SEC62: variants seen among roughly 807,000 people sequenced by gnomAD.
SEC62 encodes translocation protein SEC62.
Under a neutral mutation model 47.5 loss-of-function variants are expected in SEC62, and 10 were observed. That is an observed-to-expected ratio of 0.21 (90% CI 0.13 to 0.36). The LOEUF is 0.36. SEC62 is among the 10% of genes least tolerant of loss of function. The pLI is 1.00. For synonymous variants in SEC62, 136 were observed against 150.5 expected (o/e 0.90, Z 0.71); for missense variants, 327 against 464.1 (o/e 0.70, Z 2.71).
intron 1 of SEC62, among the ~76,000 whole-genome samples, chr3:169,971,189 A>G (rs947212203): frequency 1.3e-5 from 2 of 151,728 alleles, no homozygotes; most frequent in Non-Finnish European, 2.9e-5. Flanking sequence ...TCTGGCCACA[A>G]CCTCCCAACT....
Position 169,993,025 on chromosome 3 carries a change from G to A in SEC62, c.1162G>A (p.Asp388Asn), listed in dbSNP as rs1715283900. The A allele has an allele frequency of 1.4e-5, 23 of 1,609,260 alleles. No individual in the cohort carries two copies. The East Asian group carries it at 5.1e-4, about 36-fold the overall frequency. ...DCEEDEEEEN[D>N]GETPKSSHEK... ...TGAAGAGGATGAGGAAGAGGAAAAT[G>A]ATGGAGAAACACCTAAATCTTCACA... is the stretch of plus-strand genomic sequence containing the variant. The change falls in exon 8 of 8, where the codon GAT (aspartate) becomes AAT (asparagine). Residue 388 changes from aspartate to asparagine, a missense_variant. Asp to Asn is a conservative substitution (Grantham distance 23). Around this residue, in one of 3 missense-constraint regions of SEC62, gnomAD observed 102 missense variants for 108.8 expected, o/e 0.94. Coordinates refer to ENST00000337002, the MANE Select transcript of SEC62 (RefSeq NM_003262.4).
At chr3:169,976,892 A>T in intron 2 of SEC62, 54 bp from the exon 3 acceptor site, 10 of 1,196,770 alleles carry the variant, frequency 8.4e-6, no homozygotes, top group Non-Finnish European at 1.2e-5. Flanking sequence ...TATTATTTAG[A>T]TAGACATAAA....
At chr3:169,980,899 T>C (rs1433755582) in intron 3 of SEC62, among the ~76,000 whole-genome samples, 5 of 152,220 alleles carry the variant, frequency 3.3e-5, no homozygotes, top group South Asian at 2.1e-4. Flanking sequence ...GGATGTATTT[T>C]TATTTTCATT....
rs757037480 is a variant in SEC62, at chr3:169,973,662, C to CAAA, written c.37-1932_37-1930dup. ...TGGGAGACAGAGCAAGACTGCGTCTCAAAAAAAAAAAAAAAATCTACTTTT... is the reference window on the plus strand; with the variant it reads ...TGGGAGACAGAGCAAGACTGCGTCTCAAAAAAAAAAAAAAAAAAATCTACTTTT... On this transcript the variant is annotated intron_variant, in intron 1 of 7. Coordinates refer to ENST00000337002, the MANE Select transcript of SEC62 (RefSeq NM_003262.4). 6.1e-3 allele frequency among the ~76,000 whole-genome samples: 663 copies of CAAA among 108,692 alleles called. 5 individuals carry two copies. Among genetic ancestry groups the CAAA allele is most frequent in the African/African-American group, 0.02 (639 of 32,356 alleles). 71.3% of individuals were successfully genotyped at this position (108,692 alleles called of 152,430 possible).
rs1225731613 is a variant in SEC62 at position 169,993,261 on chromosome 3, AAT to A, written c.*201_*202del. On this transcript the variant is annotated 3_prime_UTR_variant, in exon 8 of 8. Transcript: ENST00000337002. ...ATTATTGGTACAGTTTAAAGCCATTAATATGTTTTATCCATTTGATAATTTTA... is the reference window on the plus strand; with the variant it reads ...ATTATTGGTACAGTTTAAAGCCATTAATGTTTTATCCATTTGATAATTTTA... 1 of 509,768 alleles carries A rather than the reference AAT, an allele frequency of 2.0e-6. No homozygotes were observed. The highest frequency in any genetic ancestry group is 1.9e-5 in the African/African-American group (1 of 51,290). 31.6% of individuals were successfully genotyped at this position (509,768 alleles called of 1,614,324 possible).
intron 3 of SEC62, among the ~76,000 whole-genome samples, chr3:169,980,828 A>G (rs1714955315): frequency 6.6e-6 from 1 of 152,218 alleles, no homozygotes; most frequent in South Asian, 2.1e-4. Context: ...CTCTTAATAT[A>G]TGGACATGTA....
rs114248072 is a variant in SEC62, at chr3:169,990,646, A to G, written c.731-1948A>G. The stretch of plus-strand genomic sequence containing the variant: ...CTGTAAAACCTATCATTGCATCATA[A>G]TTGGAGAAAAAAATGTACAGCCTCC... On this transcript the variant is annotated intron_variant, in intron 7 of 7. Coordinates refer to ENST00000337002, the MANE Select transcript of SEC62 (RefSeq NM_003262.4). Among the ~76,000 whole-genome samples the G allele has an allele frequency of 5.7e-3, 867 of 152,296 alleles. 8 individuals are homozygous for G. Among genetic ancestry groups the G allele is most frequent in the African/African-American group, 0.02 (828 of 41,556 alleles).
intron 6 of SEC62, among the ~76,000 whole-genome samples, chr3:169,987,811 C>T (rs1363013682): frequency 2.0e-5 from 3 of 152,164 alleles, no homozygotes; most frequent in Non-Finnish European, 4.4e-5. Context: ...AGCTCCACCC[C>T]AGAAGAAGAA....
chr3:169,989,002 A>G lies in SEC62; in HGVS notation c.730+643A>G, dbSNP rs145817303. ...CAATAATTTTCACCCAAGTACCAAA[A>G]TACTAGATGCAATAAGGAGTTAATG... On this transcript the variant is annotated intron_variant, in intron 7 of 7. Transcript: ENST00000337002. 4.5e-3 allele frequency among the ~76,000 whole-genome samples: 683 copies of G among 152,166 alleles called. 9 individuals carry two copies. Among genetic ancestry groups the G allele is most frequent in the African/African-American group, 0.016 (647 of 41,490 alleles).
intron 4 of SEC62, 62 bp downstream of exon 4, chr3:169,982,973 G>A (rs1715018553): frequency 3.3e-6 from 5 of 1,537,562 alleles, no homozygotes; most frequent in African/African-American, 2.8e-5. Context: ...AACACTACTG[G>A]CCTATGAGCA....
At chr3:169,972,956 G>C (rs1183058889) in intron 1 of SEC62, among the ~76,000 whole-genome samples, 1 of 152,050 alleles carries the variant, frequency 6.6e-6, no homozygotes, top group Non-Finnish European at 1.5e-5. Flanking sequence ...CCAGTAACAA[G>C]TTATTTAATT....
In SEC62 at chr3:169,974,753, AAG is replaced by A. The variant is rs746293806; in HGVS notation, c.37-851_37-850del. Among the ~76,000 whole-genome samples, 3 of 152,328 alleles carry A rather than the reference AAG, an allele frequency of 2.0e-5. No homozygotes were observed. In the East Asian group the frequency reaches 5.8e-4, roughly 29 times the overall value. On this transcript the variant is annotated intron_variant, in intron 1 of 7. Transcript: ENST00000337002. ...TATCTGCAGCCACAGGGGGAAAGGA[AAG>A]AGAATACAAATTGTCATTGTGTCAG...
chr3:169,989,554 A>G (rs954333814), intron 7 of SEC62, among the ~76,000 whole-genome samples: 1 of 151,938 alleles, frequency 6.6e-6, no homozygotes, highest in Middle Eastern at 3.2e-3. Context: ...GACATTAGAC[A>G]TAATAAAATT....
intron 5 of SEC62, chr3:169,983,757 T>G (rs1284397969): frequency 6.6e-6 from 1 of 152,256 alleles, no homozygotes. Flanking sequence ...CAGAACATAG[T>G]CACATGGTCA....
chr3:169,990,607 T>C (rs191835468), intron 7 of SEC62, among the ~76,000 whole-genome samples: 31 of 152,342 alleles, frequency 2.0e-4, no homozygotes, highest in Admixed American at 2.0e-3. Context: ...TTATGAATCA[T>C]CTGTCTTACA....
chr3:169,978,785 A>G (rs77691734), intron 3 of SEC62, among the ~76,000 whole-genome samples: 2 of 152,180 alleles, frequency 1.3e-5, no homozygotes, highest in South Asian at 2.1e-4. Flanking sequence ...TATTTTTTAC[A>G]TGTTGTGTAA....
chr3:169,982,939 T>G (rs745856067), intron 4 of SEC62, 28 bp downstream of exon 4: 2 of 1,557,932 alleles, frequency 1.3e-6, no homozygotes, highest in Admixed American at 2.2e-5. Context: ...TAAGTAAAAA[T>G]TTAAAAATCA....
intron 1 of SEC62, among the ~76,000 whole-genome samples, chr3:169,970,953 AC>A (rs1409657084): frequency 6.6e-6 from 1 of 152,160 alleles, no homozygotes; most frequent in Non-Finnish European, 1.5e-5. Flanking sequence ...AGAAGGTAAA[AC>A]TTTTATACCT....
Position 169,993,264 on chromosome 3 carries a change from AT to A in SEC62, c.*202del. On this transcript the variant is annotated 3_prime_UTR_variant, in exon 8 of 8. Transcript: ENST00000337002. ...ATTGGTACAGTTTAAAGCCATTAAT[AT>A]GTTTTATCCATTTGATAATTTTACA... 1 of 504,700 alleles carries A rather than the reference AT, an allele frequency of 2.0e-6. No individual in the cohort carries two copies. The highest frequency in any genetic ancestry group is 3.1e-5 in the South Asian group (1 of 32,574). The allele number at this position is 504,700 out of a possible 1,614,324, so 31.3% of individuals were successfully genotyped here.
Sources: gnomAD v4.1 joint callset for allele counts (sites outside exome capture counted in the v4.1 genomes callset) on GRCh38, gnomAD v4.1.1 for gene constraint, gnomAD v4.1.1 regional missense constraint, MANE v1.5 for transcripts, NCBI Gene and HGNC (gene_info 2026-07-23, HGNC 2026-07-21) for gene names.